Variants in CIBAR2 observed in about 807,000 individuals in gnomAD.
CIBAR2 encodes the protein CBY1 interacting BAR domain containing 2.
A neutral mutation model predicts 36.2 loss-of-function variants in CIBAR2; 38 were observed. The observed-to-expected ratio is 1.05, with a 90% CI of 0.81 to 1.38. The LOEUF is 1.38. Ranked by LOEUF, CIBAR2 falls within the 40% of genes most tolerant of loss-of-function variation. The pLI is 0.00. For synonymous variants in CIBAR2, 182 were observed against 149.5 expected (o/e 1.22, Z -1.58); for missense variants, 481 against 383.4 (o/e 1.25, Z -2.13).
Position 85,112,327 on chromosome 16 carries a change from A to C in CIBAR2, c.20+6T>G. 6.2e-7 allele frequency: 1 copy of C among 1,612,236 alleles called. No homozygotes were observed. Among genetic ancestry groups the C allele is most frequent in the South Asian group, 1.1e-5 (1 of 91,014 alleles). On this transcript the variant is annotated splice_donor_region_variant and intron_variant, in intron 1 of 8. Coordinates refer to ENST00000539556, the MANE Select transcript of CIBAR2 (RefSeq NM_198491.3). Reference sequence around the variant, plus strand: ...CTCACAGCCAGGCTGGCGCTGGCCCACTCACCTGGAGAAGACGATGTTCAT... The same window carrying C: ...CTCACAGCCAGGCTGGCGCTGGCCCCCTCACCTGGAGAAGACGATGTTCAT...
chr16:85,110,593 G>A lies in CIBAR2; in HGVS notation c.21-133C>T, dbSNP rs759903250. The A allele has an allele frequency of 9.7e-6, 6 of 619,804 alleles. No individual in the cohort carries two copies. The Admixed American group carries it at 9.9e-5, about 10-fold the overall frequency. 38.4% of individuals were successfully genotyped at this position (619,804 alleles called of 1,614,324 possible). The stretch of plus-strand genomic sequence containing the variant: ...CTGGTGTGGCACGCACATGCCACAG[G>A]CTGTCACTCAAGGTGGCAGCATCAC... On this transcript the variant is annotated intron_variant, in intron 1 of 8. Coordinates refer to ENST00000539556, the MANE Select transcript of CIBAR2 (RefSeq NM_198491.3).
Position 85,099,258 on chromosome 16 carries a change from A to G in CIBAR2, c.842T>C (p.Val281Ala), listed in dbSNP as rs748112988. 6.8e-6 allele frequency: 11 copies of G among 1,610,952 alleles called. No homozygotes were observed. The East Asian group carries it at 1.3e-4, about 20-fold the overall frequency. The change falls in exon 9 of 9, where the codon GTG (valine) becomes GCG (alanine). Residue 281 changes from valine to alanine, a missense_variant. Transcript: ENST00000539556. ...NHGRFSLCEWVVKGQPAHCVC... is the reference protein window; with the variant it reads ...NHGRFSLCEWAVKGQPAHCVC... The stretch of plus-strand genomic sequence containing the variant: ...ACAGTGGGCTGGCTGCCCCTTAACC[A>G]CCCACTCACAGAGACTAAACCTGCC...
Position 85,098,722 on chromosome 16 carries a change from T to G in CIBAR2, c.*463A>C. 1.3e-6 allele frequency: 1 copy of G among 754,824 alleles called. No individual in the cohort carries two copies. Among genetic ancestry groups the G allele is most frequent in the Non-Finnish European group, 1.6e-6 (1 of 619,162 alleles). The allele number at this position is 754,824 out of a possible 1,614,324, so 46.8% of individuals were successfully genotyped here. ...AATAAAACGACAGCAACATCAGTAA[T>G]GATAATGGCAGCAACAAGTCTCAAG... On this transcript the variant is annotated 3_prime_UTR_variant, in exon 9 of 9. Coordinates refer to ENST00000539556, the MANE Select transcript of CIBAR2 (RefSeq NM_198491.3).
chr16:85,110,051 C>G (rs1044723271), intron 2 of CIBAR2, among the ~76,000 whole-genome samples, 175 bp downstream of exon 2: 1 of 152,204 alleles, frequency 6.6e-6, no homozygotes, highest in African/African-American at 2.4e-5. Context: ...GCTCTCAATC[C>G]TGCAGGTGGA....
Position 85,108,034 on chromosome 16 carries a change from T to C in CIBAR2, c.321A>G (p.Thr107=). 2 of 1,613,804 alleles carry C rather than the reference T, an allele frequency of 1.2e-6. No homozygotes were observed. Among genetic ancestry groups the C allele is most frequent in the Non-Finnish European group, 1.7e-6 (2 of 1,179,808 alleles). Residue 107 remains threonine (T), a synonymous_variant, in exon 3 of 9, where the codon ACA becomes ACG. Coordinates refer to ENST00000539556, the MANE Select transcript of CIBAR2 (RefSeq NM_198491.3). Reference sequence around the variant, plus strand: ...ACACCGAGGTGCCCCGGCTCACCCGTGTCTGCTTGATCTGTGCCCCGTAGA... The same window carrying C: ...ACACCGAGGTGCCCCGGCTCACCCGCGTCTGCTTGATCTGTGCCCCGTAGA... The part of the protein sequence containing the change: ...LKLYGAQIKQ[T]RAEIKKFKHV...
rs374703386 is a variant in CIBAR2, at chr16:85,100,244, C to A, written c.652-4G>T. The A allele has an allele frequency of 6.2e-7, 1 of 1,601,548 alleles. No individual in the cohort carries two copies. Among genetic ancestry groups the A allele is most frequent in the Non-Finnish European group, 8.5e-7 (1 of 1,173,782 alleles). Reference sequence around the variant, plus strand: ...CTTGCATCTTGGCTCTAAAATCCTGCCGGGGAGAGACCAGGGTGGGTGGGA... The same window carrying A: ...CTTGCATCTTGGCTCTAAAATCCTGACGGGGAGAGACCAGGGTGGGTGGGA... On this transcript the variant is annotated splice_polypyrimidine_tract_variant and splice_region_variant and intron_variant, in intron 7 of 8. Transcript: ENST00000539556.
At position 85,100,221 on chromosome 16, in the gene CIBAR2, T is replaced by A. The variant is rs1370956718; in HGVS notation, c.671A>T (p.Gln224Leu). ...RDLLDFRAKM[Q>L]GVYGHYDTRL... is the part of the protein sequence containing the mutation. Reference sequence around the variant, plus strand: ...AGTGTCATAATGCCCATAAACTCCTTGCATCTTGGCTCTAAAATCCTGCCG... The same window carrying A: ...AGTGTCATAATGCCCATAAACTCCTAGCATCTTGGCTCTAAAATCCTGCCG... Residue 224 changes from glutamine (Q) to leucine (L), a missense_variant, in exon 8 of 9, where the codon CAA (glutamine) becomes CTA (leucine). Transcript: ENST00000539556. 1.9e-6 allele frequency: 3 copies of A among 1,609,704 alleles called. No homozygotes were observed. In the South Asian group the frequency reaches 3.3e-5, roughly 18 times the overall value.
chr16:85,112,407 G>A lies in CIBAR2; in HGVS notation c.-55C>T, dbSNP rs1284889530. 7 of 1,571,414 alleles carry A rather than the reference G, an allele frequency of 4.5e-6. No individual in the cohort carries two copies. Among genetic ancestry groups the A allele is most frequent in the African/African-American group, 1.4e-5 (1 of 74,058 alleles). On this transcript the variant is annotated 5_prime_UTR_variant, in exon 1 of 9. Coordinates refer to ENST00000539556, the MANE Select transcript of CIBAR2 (RefSeq NM_198491.3). ...TGGGGAATAAGGACAGGGCCCCAGG[G>A]GTCCTGCAGGCCTGGGAGGAGCCGG...
chr16:85,111,985 T>C (rs148641477), intron 1 of CIBAR2, among the ~76,000 whole-genome samples: 1 of 152,228 alleles, frequency 6.6e-6, no homozygotes, highest in African/African-American at 2.4e-5. Context: ...GCCGGGGCAG[T>C]GTGGACTGGG....
At chr16:85,109,598 C>T (rs2074024568) in intron 2 of CIBAR2, among the ~76,000 whole-genome samples, 1 of 152,182 alleles carries the variant, frequency 6.6e-6, no homozygotes. Context: ...ATCATGGCCC[C>T]AGCCTCGACC....
chr16:85,099,643 A>G (rs12149945), intron 8 of CIBAR2, among the ~76,000 whole-genome samples: 27,204 of 147,440 alleles, frequency 0.18, 2,860 homozygotes, highest in Middle Eastern at 0.28. Context: ...TTTTTTCCTG[A>G]GACAGAGTCT....
chr16:85,101,444 C>T (rs945675207), intron 7 of CIBAR2, among the ~76,000 whole-genome samples: 1 of 152,220 alleles, frequency 6.6e-6, no homozygotes, highest in South Asian at 2.1e-4. Flanking sequence ...CTGAGAACTG[C>T]CCACGTGAGC....
At chr16:85,110,557 C>G in intron 1 of CIBAR2, 97 bp from the exon 2 acceptor site, 1 of 911,254 alleles carries the variant, frequency 1.1e-6, no homozygotes. Flanking sequence ...GGAGCTGCCA[C>G]CAGCCGGCCT....
chr16:85,110,629 G>A (rs1246966504), intron 1 of CIBAR2, among the ~76,000 whole-genome samples, 169 bp from the exon 2 acceptor site: 3 of 152,078 alleles, frequency 2.0e-5, no homozygotes, highest in African/African-American at 7.2e-5. Context: ...GGCCATTGAG[G>A]CTGATGAGGG....
Position 85,099,129 on chromosome 16 carries a change from C to T in CIBAR2, c.*56G>A. On this transcript the variant is annotated 3_prime_UTR_variant, in exon 9 of 9. Coordinates refer to ENST00000539556, the MANE Select transcript of CIBAR2 (RefSeq NM_198491.3). ...AAGAATCAGAAAATAAGAACAAAGC[C>T]TCCAGGCAGTCTGGGATTATTTTAA... 2 of 1,454,950 alleles carry T rather than the reference C, an allele frequency of 1.4e-6. No individual in the cohort carries two copies. Among genetic ancestry groups the T allele is most frequent in the African/African-American group, 2.9e-5 (2 of 68,650 alleles). 90.1% of individuals were successfully genotyped at this position (1,454,950 alleles called of 1,614,324 possible).
At chr16:85,105,075 G>A (rs896932103) in intron 6 of CIBAR2, among the ~76,000 whole-genome samples, 1 of 152,232 alleles carries the variant, frequency 6.6e-6, no homozygotes, top group Non-Finnish European at 1.5e-5. Context: ...GCTGGACCTA[G>A]GGCCACCCAG....
chr16:85,099,416 C>G (rs2073936740), intron 8 of CIBAR2, 70 bp from the exon 9 acceptor site: 2 of 877,776 alleles, frequency 2.3e-6, no homozygotes. Context: ...ATGTATGTAC[C>G]TAATCACCTC....
intron 2 of CIBAR2, among the ~76,000 whole-genome samples, chr16:85,108,725 T>A (rs1377438970): frequency 6.6e-6 from 1 of 151,976 alleles, no homozygotes; most frequent in African/African-American, 2.4e-5. Flanking sequence ...ATACAAAAAA[T>A]TAGCTGGGCA....
intron 1 of CIBAR2, among the ~76,000 whole-genome samples, chr16:85,111,693 A>T (rs189945163): frequency 6.6e-6 from 1 of 152,316 alleles, no homozygotes; most frequent in East Asian, 1.9e-4. Context: ...TAAAATACAA[A>T]AAATTAACCG....
Sources: allele counts gnomAD v4.1 joint callset (sites outside exome capture counted in the v4.1 genomes callset), GRCh38; gene constraint gnomAD v4.1.1; transcripts MANE v1.5; gene names NCBI Gene and HGNC (gene_info 2026-07-23, HGNC 2026-07-21).